Variants in NTN4 observed in about 807,000 individuals in gnomAD.
The protein encoded by NTN4 is netrin 4, also known as netrin-4.
Under a neutral mutation model 73.6 loss-of-function variants are expected in NTN4, and 32 were observed. The observed-to-expected ratio is 0.44, with a 90% CI of 0.33 to 0.58. NTN4 has a LOEUF of 0.58. NTN4 is among the 20% of genes least tolerant of loss of function. The pLI is 0.04. For missense variants in NTN4, 654 were observed against 798.3 expected, an observed-to-expected ratio of 0.82 and a Z score of 2.18; for synonymous variants, 258 against 287.5, an observed-to-expected ratio of 0.90 and a Z score of 1.04.
At chr12:95,737,089 G>T (rs1347114355) in intron 3 of NTN4, among the ~76,000 whole-genome samples, 3 of 152,122 alleles carry the variant, frequency 2.0e-5, no homozygotes, top group Non-Finnish European at 4.4e-5. Flanking sequence ...ATAGTCTCTG[G>T]ATGTGTCCCA....
chr12:95,777,832 G>A lies in NTN4; in HGVS notation c.585+9107C>T, dbSNP rs183853428. Reference sequence around the variant, plus strand: ...CAACTGGACCTAATAGACATCTACAGAACTCTCCACCCTAAATTAACAGAA... The same window carrying A: ...CAACTGGACCTAATAGACATCTACAAAACTCTCCACCCTAAATTAACAGAA... On this transcript the variant is annotated intron_variant, in intron 2 of 9. Coordinates refer to ENST00000343702, the MANE Select transcript of NTN4 (RefSeq NM_021229.4). Among the ~76,000 whole-genome samples, 603 of 152,270 alleles carry A rather than the reference G, an allele frequency of 4.0e-3. 6 individuals are homozygous for A. Among genetic ancestry groups the A allele is most frequent in the African/African-American group, 0.014 (573 of 41,542 alleles).
rs1454896864 is a variant in NTN4, at chr12:95,725,006, A to AGGATTTTTTTTTTTTTTT, written c.865-11669_865-11668insAAAAAAAAAAAAAAATCC. 1.9e-4 allele frequency among the ~76,000 whole-genome samples: 26 copies of AGGATTTTTTTTTTTTTTT among 135,846 alleles called. 6 individuals carry two copies. The highest frequency in any genetic ancestry group is 4.7e-4 in the South Asian group (2 of 4,250). 89.1% of individuals were successfully genotyped at this position (135,846 alleles called of 152,430 possible). ...ATCTTAGAACAGTGATGTCATCAGG[A>AGGATTTTTTTTTTTTTTT]TTTTTTTTTTTTTTTTGCTTCCCAC... is the stretch of plus-strand genomic sequence containing the variant. On this transcript the variant is annotated intron_variant, in intron 3 of 9. Coordinates refer to ENST00000343702, the MANE Select transcript of NTN4 (RefSeq NM_021229.4).
chr12:95,729,433 AT>A (rs1335211025), intron 3 of NTN4, among the ~76,000 whole-genome samples: 1 of 152,108 alleles, frequency 6.6e-6, no homozygotes, highest in Non-Finnish European at 1.5e-5. Flanking sequence ...GCCCTTTTAT[AT>A]CCCTATATGT....
chr12:95,740,206 G>A (rs1029613019), intron 2 of NTN4, among the ~76,000 whole-genome samples: 6 of 152,174 alleles, frequency 3.9e-5, no homozygotes, highest in African/African-American at 7.2e-5. Context: ...TCTACCCTGC[G>A]TCAGGAAACA....
chr12:95,713,083 G>T, intron 4 of NTN4, 129 bp downstream of exon 4: 1 of 1,075,434 alleles, frequency 9.3e-7, no homozygotes. Context: ...CAGTGATATG[G>T]CTATGTTTGT....
At chr12:95,716,513 T>C (rs1206326149) in intron 3 of NTN4, among the ~76,000 whole-genome samples, 1 of 152,206 alleles carries the variant, frequency 6.6e-6, no homozygotes, top group Non-Finnish European at 1.5e-5. Context: ...AAGGAAATGA[T>C]GTGAAAGATA....
intron 8 of NTN4, among the ~76,000 whole-genome samples, chr12:95,667,502 AT>A (rs2078190820): frequency 6.6e-6 from 1 of 152,038 alleles, no homozygotes; most frequent in Admixed American, 6.6e-5. Flanking sequence ...GAGTCATCAC[AT>A]TTTAGACTTC....
rs553394686 is a variant in NTN4, at chr12:95,710,542, T to C, written c.1079A>G (p.Asp360Gly). Residue 360 changes from aspartate (D) to glycine (G), a missense_variant, in exon 5 of 10, where the codon GAT (aspartate) becomes GGT (glycine). Asp to Gly is a moderately conservative substitution (Grantham distance 94, BLOSUM62 -1). Transcript: ENST00000343702. ...TCCTTCTGTGTTGTGCTGACAGTCATCACAGACACCACCACTACGATTCCC... is the reference window on the plus strand; with the variant it reads ...TCCTTCTGTGTTGTGCTGACAGTCACCACAGACACCACCACTACGATTCCC... The part of the protein sequence containing the change: ...ASGNRSGGVC[D>G]DCQHNTEGQY... The C allele has an allele frequency of 3.7e-6, 6 of 1,614,124 alleles. No homozygotes were observed. In the African/African-American group the frequency reaches 8.0e-5, roughly 22 times the overall value.
chr12:95,677,955 G>A (rs1451492967), intron 7 of NTN4, among the ~76,000 whole-genome samples: 1 of 152,184 alleles, frequency 6.6e-6, no homozygotes, highest in Non-Finnish European at 1.5e-5. Context: ...ATCAATGATA[G>A]ACTGGATAAA....
intron 5 of NTN4, among the ~76,000 whole-genome samples, chr12:95,702,122 A>G (rs1051112897): frequency 1.3e-5 from 2 of 152,004 alleles, no homozygotes; most frequent in Admixed American, 6.6e-5. Context: ...TCTACTAAAA[A>G]TACAAAAATT....
At chr12:95,668,143 GT>G (rs36080777) in intron 8 of NTN4, among the ~76,000 whole-genome samples, 4,146 of 136,202 alleles carry the variant, frequency 0.03, 129 homozygotes, top group African/African-American at 0.096. Context: ...TAAGTCAAGT[GT>G]TTTTTTTTTT....
intron 2 of NTN4, among the ~76,000 whole-genome samples, chr12:95,750,138 G>A (rs144352760): frequency 0.024 from 3,650 of 149,786 alleles, 49 homozygotes; most frequent in East Asian, 0.037. Context: ...TTATCTCTGC[G>A]CCCCAATCCC....
intron 2 of NTN4, among the ~76,000 whole-genome samples, chr12:95,749,066 A>G (rs1036842281): frequency 3.3e-5 from 5 of 152,120 alleles, no homozygotes; most frequent in Non-Finnish European, 7.4e-5. Flanking sequence ...AAGCTCCCCA[A>G]CTGAGCACCT....
At chr12:95,723,663 C>CTGAGTAACTGGGATT (rs1399189982) in intron 3 of NTN4, among the ~76,000 whole-genome samples, 222 of 152,202 alleles carry the variant, frequency 1.5e-3, no homozygotes, top group African/African-American at 4.8e-3. Flanking sequence ...TTACAGGCGC[C>CTGAGTAACTGGGATT]ACCACACCCG....
intron 7 of NTN4, among the ~76,000 whole-genome samples, chr12:95,676,850 C>G (rs1302275472): frequency 2.0e-5 from 3 of 151,908 alleles, no homozygotes; most frequent in Non-Finnish European, 4.4e-5. Context: ...AGCTTAGGGA[C>G]AAAAAGAAGA....
chr12:95,722,516 C>G (rs1178474007), intron 3 of NTN4, among the ~76,000 whole-genome samples: 1 of 152,090 alleles, frequency 6.6e-6, no homozygotes, highest in Non-Finnish European at 1.5e-5. Flanking sequence ...GTCCCAGCTA[C>G]TCGGGAGGCT....
At chr12:95,720,759 C>T (rs192500078) in intron 3 of NTN4, among the ~76,000 whole-genome samples, 157 of 152,180 alleles carry the variant, frequency 1.0e-3, no homozygotes, top group African/African-American at 3.7e-3. Flanking sequence ...TGTCCTCATG[C>T]GTAGTGGTCA....
At chr12:95,761,390 G>C (rs6538672) in intron 2 of NTN4, among the ~76,000 whole-genome samples, 6 of 147,826 alleles carry the variant, frequency 4.1e-5, no homozygotes, top group Non-Finnish European at 5.9e-5. Context: ...GAGTGCAGTG[G>C]TGCGATCTCG....
chr12:95,770,992 G>GTTTTGTTTTTCTTTTTTC (rs1555221586), intron 2 of NTN4, among the ~76,000 whole-genome samples: 1 of 70,798 alleles, frequency 1.4e-5, no homozygotes, highest in African/African-American at 4.1e-5. Context: ...AAAAGAATTT[G>GTTTTGTTTTTCTTTTTTC]TTTTTTTTTT....
Sources: allele counts gnomAD v4.1 joint callset (sites outside exome capture counted in the v4.1 genomes callset), GRCh38; gene constraint gnomAD v4.1.1; transcripts MANE v1.5; gene names NCBI Gene and HGNC (gene_info 2026-07-23, HGNC 2026-07-21).